The following OCA2 variants were observed in gnomAD, a reference collection of about 807,000 sequenced individuals.
OCA2 encodes P protein.
Under a neutral mutation model 100.2 loss-of-function variants are expected in OCA2, and 77 were observed. The observed-to-expected ratio is 0.77, with a 90% CI of 0.64 to 0.93. The LOEUF (loss-of-function observed/expected upper bound fraction) is 0.93. OCA2 is among the 40% of genes least tolerant of loss of function. The probability of loss-of-function intolerance (pLI) is 0.00; values close to 1 mark genes in which losing one functional copy is unlikely to be tolerated. For synonymous variants in OCA2, 432 were observed against 439.2 expected (o/e 0.98, Z 0.21); for missense variants, 1,062 against 1,089.1 (o/e 0.98, Z 0.35).
chr15:27,883,142 TGGGCCAAAAGATG>T, intron 19 of OCA2, among the ~76,000 whole-genome samples: 1 of 152,266 alleles, frequency 6.6e-6, no homozygotes, highest in Non-Finnish European at 1.5e-5. Flanking sequence ...CTGACTCCTC[TGGGCCAAAAGATG>T]GGGTTGCTAC....
intron 18 of OCA2, among the ~76,000 whole-genome samples, chr15:27,932,463 T>TGGGGC (rs2039287741): frequency 8.4e-6 from 1 of 119,282 alleles, no homozygotes; most frequent in Non-Finnish European, 1.7e-5. Flanking sequence ...AAAACAAACA[T>TGGGGC]GGGGCGGGGC....
At chr15:27,821,374 AAC>A (rs1469406460) in intron 23 of OCA2, among the ~76,000 whole-genome samples, 1 of 152,214 alleles carries the variant, frequency 6.6e-6, no homozygotes, top group South Asian at 2.1e-4. Context: ...ACACACATAA[AAC>A]ACACACACAT....
chr15:27,851,238 C>A, intron 22 of OCA2, 144 bp downstream of exon 22: 1 of 766,330 alleles, frequency 1.3e-6, no homozygotes. Context: ...ATTGCTCTGT[C>A]AAAGCTGAAT....
At chr15:27,761,450 A>G (rs2150992362) in intron 23 of OCA2, among the ~76,000 whole-genome samples, 1 of 151,874 alleles carries the variant, frequency 6.6e-6, no homozygotes, top group Non-Finnish European at 1.5e-5. Context: ...GTAAGTTACA[A>G]AATGGTGATT....
intron 2 of OCA2, among the ~76,000 whole-genome samples, chr15:28,080,109 C>T (rs2044571890): frequency 6.6e-6 from 1 of 152,214 alleles, no homozygotes; most frequent in Non-Finnish European, 1.5e-5. Context: ...ATCCTGCTGC[C>T]TCATCTGCCT....
At chr15:27,940,819 C>T (rs1033977364) in intron 18 of OCA2, among the ~76,000 whole-genome samples, 2 of 152,164 alleles carry the variant, frequency 1.3e-5, no homozygotes, top group Non-Finnish European at 1.5e-5. Flanking sequence ...ATAAACATCA[C>T]CGAAAAACTG....
At chr15:28,090,640 T>G (rs1049917123) in intron 1 of OCA2, among the ~76,000 whole-genome samples, 1 of 152,136 alleles carries the variant, frequency 6.6e-6, no homozygotes, top group Non-Finnish European at 1.5e-5. Context: ...TATATTGAAC[T>G]GAATGAAAGT....
Position 27,986,589 on chromosome 15 carries a change from T to G in OCA2, c.1237A>C (p.Lys413Gln). The part of the protein sequence containing the change: ...ETGFFDYCAV[K>Q]AYRLSRGRVW... ...ATTAAATGCAACATCATACCTACCTTTACAGCACAATAATCGAAAAATCCC... is the reference window on the plus strand; with the variant it reads ...ATTAAATGCAACATCATACCTACCTGTACAGCACAATAATCGAAAAATCCC... The change falls in exon 12 of 24, where the codon AAG (lysine) becomes CAG (glutamine). Residue 413 changes from lysine (K) to glutamine (Q), a missense_variant and splice_region_variant. Physicochemically the swap from Lys to Gln is moderately conservative, Grantham distance 53. Transcript: ENST00000354638. The G allele has an allele frequency of 1.9e-6, 3 of 1,575,040 alleles. No individual in the cohort carries two copies. Among genetic ancestry groups the G allele is most frequent in the Non-Finnish European group, 2.6e-6 (3 of 1,144,034 alleles).
chr15:27,852,759 A>G (rs1216133561), intron 21 of OCA2, among the ~76,000 whole-genome samples: 17 of 146,570 alleles, frequency 1.2e-4, no homozygotes, highest in Non-Finnish European at 2.4e-4. Context: ...AAAAGTGGGC[A>G]AAGGACATGA....
chr15:28,002,992 G>A (rs1021668863), intron 9 of OCA2, among the ~76,000 whole-genome samples: 1 of 152,236 alleles, frequency 6.6e-6, no homozygotes, highest in African/African-American at 2.4e-5. Flanking sequence ...GGAAATCAGT[G>A]GAGCAGTCCT....
intron 19 of OCA2, among the ~76,000 whole-genome samples, chr15:27,872,736 C>T (rs1306681207): frequency 6.7e-6 from 1 of 150,114 alleles, no homozygotes; most frequent in South Asian, 2.1e-4. Context: ...ATTGCTCAGG[C>T]TGGAGTGCAG....
intron 2 of OCA2, among the ~76,000 whole-genome samples, chr15:28,040,332 C>A (rs1447692145): frequency 6.6e-6 from 1 of 152,074 alleles, no homozygotes; most frequent in East Asian, 1.9e-4. Flanking sequence ...CATAACACAT[C>A]AAAATTTATG....
At chr15:27,906,712 G>T (rs910750335) in intron 19 of OCA2, among the ~76,000 whole-genome samples, 1 of 151,230 alleles carries the variant, frequency 6.6e-6, no homozygotes, top group Non-Finnish European at 1.5e-5. Context: ...AACGACAATG[G>T]AGCAATATTT....
chr15:28,002,954 A>G (rs781243862), intron 9 of OCA2, among the ~76,000 whole-genome samples: 2 of 152,246 alleles, frequency 1.3e-5, no homozygotes, highest in Non-Finnish European at 2.9e-5. Context: ...ATGCAGAACA[A>G]TAGATCCCAG....
chr15:27,906,498 G>A (rs76161860), intron 19 of OCA2, among the ~76,000 whole-genome samples: 4,219 of 152,076 alleles, frequency 0.028, 118 homozygotes, highest in Non-Finnish European at 0.04. Flanking sequence ...AATGGAACCC[G>A]GGCAATGAAG....
intron 11 of OCA2, among the ~76,000 whole-genome samples, chr15:27,988,014 C>T (rs1286096640): frequency 6.6e-6 from 1 of 152,252 alleles, no homozygotes; most frequent in African/African-American, 2.4e-5. Context: ...TGAGAGCTGA[C>T]GGTGGAGCGT....
chr15:27,943,685 A>C (rs1039558588), intron 18 of OCA2, among the ~76,000 whole-genome samples: 1 of 151,384 alleles, frequency 6.6e-6, no homozygotes, highest in Admixed American at 6.6e-5. Flanking sequence ...AAAAAAAAAA[A>C]AAAAAACCTT....
At chr15:28,027,167 C>T (rs1417523595) in intron 4 of OCA2, among the ~76,000 whole-genome samples, 1 of 152,224 alleles carries the variant, frequency 6.6e-6, no homozygotes, top group Non-Finnish European at 1.5e-5. Flanking sequence ...AAGGTGAGAG[C>T]GCTACTGCCC....
intron 7 of OCA2, among the ~76,000 whole-genome samples, chr15:28,017,703 A>C (rs1252851573): frequency 6.6e-6 from 1 of 152,238 alleles, no homozygotes; most frequent in Non-Finnish European, 1.5e-5. Context: ...TGCAGGTGAC[A>C]CAGCCTGTGC....
Sources: allele counts gnomAD v4.1 joint callset (sites outside exome capture counted in the v4.1 genomes callset), GRCh38; gene constraint gnomAD v4.1.1; transcripts MANE v1.5; gene names NCBI Gene and HGNC (gene_info 2026-07-23, HGNC 2026-07-21).